Variants in HMOX2 observed in about 807,000 individuals in gnomAD.
HMOX2 encodes the protein heme oxygenase (decycling) 2.
A neutral mutation model predicts 33.7 loss-of-function variants in HMOX2; 30 were observed. The observed-to-expected ratio is 0.89, with a 90% confidence interval of 0.67 to 1.21. The LOEUF is 1.21. Ranked by LOEUF, HMOX2 falls within the 50% of genes most tolerant of loss-of-function variation. HMOX2 has a pLI of 0.00. For missense variants in HMOX2, 403 were observed against 399.1 expected, an observed-to-expected ratio of 1.01 and a Z score of -0.08; for synonymous variants, 155 against 155.0, an observed-to-expected ratio of 1.00 and a Z score of 0.00.
chr16:4,490,001 G>C lies in HMOX2; in HGVS notation c.-42+13514G>C, dbSNP rs183647933. Among the ~76,000 whole-genome samples the C allele has an allele frequency of 6.6e-5, 10 of 152,264 alleles. No homozygotes were observed. The East Asian group carries it at 9.6e-4, about 15-fold the overall frequency. ...AATTTTGAGAATACCTTGTATTCTG[G>C]AAATCATTCATTCAGTCAACAAACC... On this transcript the variant is annotated intron_variant, in intron 1 of 5. Coordinates refer to ENST00000570646, the MANE Select transcript of HMOX2 (RefSeq NM_002134.4).
intron 1 of HMOX2, among the ~76,000 whole-genome samples, chr16:4,481,493 G>A (rs977150006): frequency 6.6e-6 from 1 of 152,150 alleles, no homozygotes; most frequent in Non-Finnish European, 1.5e-5. Context: ...TGAGCATACA[G>A]GTGTACTGAA....
intron 1 of HMOX2, among the ~76,000 whole-genome samples, chr16:4,477,313 A>G (rs569831814): frequency 6.6e-6 from 1 of 151,786 alleles, no homozygotes; most frequent in South Asian, 2.1e-4. Context: ...AGCCTGGCCA[A>G]CATAGTGAAA....
At chr16:4,488,549 C>T (rs2058230383) in intron 1 of HMOX2, 1 of 152,026 alleles carries the variant, frequency 6.6e-6, no homozygotes, top group Non-Finnish European at 1.5e-5. Flanking sequence ...AACCTAAGGC[C>T]TTGGTGTTTC....
chr16:4,480,844 G>C (rs1216808956), intron 1 of HMOX2, among the ~76,000 whole-genome samples: 1 of 151,082 alleles, frequency 6.6e-6, no homozygotes, highest in Non-Finnish European at 1.5e-5. Context: ...AGTAGAGACG[G>C]GGTTTCACCA....
intron 2 of HMOX2, among the ~76,000 whole-genome samples, chr16:4,506,232 C>T (rs1039779838): frequency 1.3e-5 from 2 of 152,166 alleles, no homozygotes; most frequent in Non-Finnish European, 2.9e-5. Context: ...ACATGTAAGC[C>T]CCTGCCCAAG....
chr16:4,499,279 G>A (rs756284479), intron 1 of HMOX2, among the ~76,000 whole-genome samples: 23 of 152,150 alleles, frequency 1.5e-4, no homozygotes, highest in Non-Finnish European at 3.1e-4. Flanking sequence ...GTGGATTAAT[G>A]GATTTTTAAA....
chr16:4,478,765 CAAAA>C (rs35433748), intron 1 of HMOX2, among the ~76,000 whole-genome samples: 2 of 86,180 alleles, frequency 2.3e-5, no homozygotes, highest in Non-Finnish European at 4.9e-5. Context: ...AACTGCATCT[CAAAA>C]AAAAAAAAAA....
intron 5 of HMOX2, 45 bp from the exon 6 acceptor site, chr16:4,509,584 G>A (rs1410822962): frequency 1.2e-6 from 2 of 1,613,996 alleles, no homozygotes; most frequent in Non-Finnish European, 1.7e-6. Context: ...AGGTGTAGCA[G>A]GAGACTCCAC....
At chr16:4,492,485 C>T (rs1401219352) in intron 1 of HMOX2, among the ~76,000 whole-genome samples, 1 of 151,892 alleles carries the variant, frequency 6.6e-6, no homozygotes. Flanking sequence ...TTTGGGAGGC[C>T]GAGGTGGGCA....
At chr16:4,492,947 G>A (rs2058338574) in intron 1 of HMOX2, among the ~76,000 whole-genome samples, 1 of 151,982 alleles carries the variant, frequency 6.6e-6, no homozygotes, top group African/African-American at 2.4e-5. Flanking sequence ...TGAGGCACAG[G>A]AATTGCTTGA....
At chr16:4,475,539 T>A (rs2057796797), upstream of HMOX2, among the ~76,000 whole-genome samples, 1 of 151,206 alleles carries the variant, frequency 6.6e-6, no homozygotes, top group South Asian at 2.1e-4. Flanking sequence ...CTCGAACTGC[T>A]GACCTCAAGT....
intron 1 of HMOX2, among the ~76,000 whole-genome samples, chr16:4,477,717 G>A (rs556844386): frequency 1.3e-5 from 2 of 151,978 alleles, no homozygotes; most frequent in East Asian, 3.9e-4. Flanking sequence ...TCAGGAGTTC[G>A]AGATCAGCCT....
intron 1 of HMOX2, among the ~76,000 whole-genome samples, chr16:4,504,778 C>G (rs2058649681): frequency 6.8e-6 from 1 of 147,990 alleles, no homozygotes; most frequent in Admixed American, 6.8e-5. Context: ...CAACCTCTGC[C>G]TCCTGGGCTC....
chr16:4,492,995 A>AT (rs1027869870), intron 1 of HMOX2, among the ~76,000 whole-genome samples: 28 of 152,128 alleles, frequency 1.8e-4, no homozygotes, highest in Non-Finnish European at 3.4e-4. Context: ...ATTAGGGGAC[A>AT]TTTGTTAAGT....
At chr16:4,491,787 C>G (rs1204425170) in intron 1 of HMOX2, among the ~76,000 whole-genome samples, 1 of 151,916 alleles carries the variant, frequency 6.6e-6, no homozygotes, top group Non-Finnish European at 1.5e-5. Context: ...CGGCTCACTG[C>G]AACCTCCACC....
intron 1 of HMOX2, among the ~76,000 whole-genome samples, chr16:4,492,661 G>T (rs546814547): frequency 6.6e-6 from 1 of 152,204 alleles, no homozygotes; most frequent in South Asian, 2.1e-4. Flanking sequence ...AGAGATTGCG[G>T]TGATCCAAGA....
intron 3 of HMOX2, among the ~76,000 whole-genome samples, chr16:4,507,246 AC>A (rs1470984615): frequency 6.6e-6 from 1 of 152,044 alleles, no homozygotes; most frequent in Non-Finnish European, 1.5e-5. Context: ...GGAGTTTGAG[AC>A]CAGCCTGGCC....
rs532084321 is a variant in HMOX2 at position 4,504,481 on chromosome 16, C to T, written c.-41-1003C>T. Among the ~76,000 whole-genome samples the T allele has an allele frequency of 2.8e-3, 414 of 149,900 alleles. 2 individuals are homozygous for T. Among genetic ancestry groups the T allele is most frequent in the Non-Finnish European group, 3.4e-3 (228 of 67,678 alleles). On this transcript the variant is annotated intron_variant, in intron 1 of 5. Transcript: ENST00000570646. ...GTTCAAGTGATTCTCCTGCCTCAGC[C>T]TCCTGAGTAGCTGGGATTACAGGCA...
chr16:4,497,613 T>G (rs1476054340), intron 1 of HMOX2, among the ~76,000 whole-genome samples: 1 of 152,196 alleles, frequency 6.6e-6, no homozygotes, highest in Non-Finnish European at 1.5e-5. Flanking sequence ...CTCATTTCAG[T>G]GTCTCAGGTT....
Sources: allele counts gnomAD v4.1 joint callset (sites outside exome capture counted in the v4.1 genomes callset), GRCh38; gene constraint gnomAD v4.1.1; transcripts MANE v1.5; gene names NCBI Gene and HGNC (gene_info 2026-07-23, HGNC 2026-07-21).